The following RBMS3 variants were observed in gnomAD, a reference collection of about 807,000 sequenced individuals.
The protein encoded by RBMS3 is RNA-binding motif, single-stranded-interacting protein 3.
A neutral mutation model predicts 66.8 loss-of-function variants in RBMS3; 27 were observed. The observed-to-expected ratio is 0.40, with a 90% CI of 0.30 to 0.56. RBMS3 has a LOEUF of 0.56. Ranked by LOEUF, RBMS3 falls within the 20% of genes least tolerant of loss-of-function variation. The pLI, the probability that RBMS3 is intolerant of heterozygous loss-of-function variation, is 0.40. For synonymous variants in RBMS3, 188 were observed against 183.0 expected (o/e 1.03, Z -0.22); for missense variants, 513 against 549.5 (o/e 0.93, Z 0.66).
chr3:29,302,765 T>C (rs867147854), intron 1 of RBMS3, among the ~76,000 whole-genome samples: 1 of 152,066 alleles, frequency 6.6e-6, no homozygotes, highest in Non-Finnish European at 1.5e-5. Context: ...AGAGAAGTTC[T>C]GTGCTATGTG....
intron 6 of RBMS3, among the ~76,000 whole-genome samples, chr3:29,806,420 T>G (rs1187679124): frequency 6.6e-6 from 1 of 151,880 alleles, no homozygotes; most frequent in Non-Finnish European, 1.5e-5. Flanking sequence ...ACAAAACTGT[T>G]TTTGAAATGT....
intron 4 of RBMS3, among the ~76,000 whole-genome samples, chr3:29,728,411 G>A (rs180915052): frequency 6.6e-6 from 1 of 152,190 alleles, no homozygotes; most frequent in East Asian, 1.9e-4. Flanking sequence ...GCCAAATGAT[G>A]CCGGCAATCG....
chr3:29,724,297 G>A (rs2053765454), intron 4 of RBMS3, among the ~76,000 whole-genome samples: 1 of 152,088 alleles, frequency 6.6e-6, no homozygotes, highest in Non-Finnish European at 1.5e-5. Context: ...TATTTACTTA[G>A]TAGCTGTCCT....
At chr3:29,702,421 G>A (rs147485606) in intron 4 of RBMS3, among the ~76,000 whole-genome samples, 2 of 152,176 alleles carry the variant, frequency 1.3e-5, no homozygotes, top group Non-Finnish European at 2.9e-5. Context: ...CAATCAGCAG[G>A]ATGTGGGTGG....
At chr3:29,913,891 C>A (rs775289544) in intron 10 of RBMS3, among the ~76,000 whole-genome samples, 6 of 151,838 alleles carry the variant, frequency 4.0e-5, no homozygotes, top group Non-Finnish European at 7.4e-5. Context: ...TCTAAATACT[C>A]AGATTCTGAT....
At chr3:29,357,808 A>G (rs1344870341) in intron 1 of RBMS3, among the ~76,000 whole-genome samples, 1 of 152,168 alleles carries the variant, frequency 6.6e-6, no homozygotes, top group Non-Finnish European at 1.5e-5. Flanking sequence ...AGTGATGATG[A>G]GCATTTTTTC....
At chr3:29,320,386 G>A (rs947385563) in intron 1 of RBMS3, among the ~76,000 whole-genome samples, 1 of 151,850 alleles carries the variant, frequency 6.6e-6, no homozygotes, top group African/African-American at 2.4e-5. Flanking sequence ...TTCTCCAAAG[G>A]TGAATAAAGG....
chr3:29,542,032 T>A (rs1375359619), intron 3 of RBMS3, among the ~76,000 whole-genome samples: 1 of 152,170 alleles, frequency 6.6e-6, no homozygotes, highest in African/African-American at 2.4e-5. Context: ...AATATATGTT[T>A]AGCATATCCC....
chr3:29,507,527 G>A (rs2044229636), intron 3 of RBMS3, among the ~76,000 whole-genome samples: 1 of 151,974 alleles, frequency 6.6e-6, no homozygotes, highest in Admixed American at 6.6e-5. Flanking sequence ...TGTATGCTCT[G>A]CTAATAACTA....
At chr3:29,360,896 C>T in intron 1 of RBMS3, among the ~76,000 whole-genome samples, 1 of 151,746 alleles carries the variant, frequency 6.6e-6, no homozygotes, top group Non-Finnish European at 1.5e-5. Context: ...TTTCCATTTG[C>T]TTAGTGGATC....
intron 3 of RBMS3, among the ~76,000 whole-genome samples, chr3:29,542,875 C>A (rs149566302): frequency 8.1e-4 from 124 of 152,260 alleles, no homozygotes; most frequent in African/African-American, 2.9e-3. Context: ...TCTTAAGTAA[C>A]CTGTAAAATA....
intron 1 of RBMS3, among the ~76,000 whole-genome samples, chr3:29,359,914 G>A (rs111567405): frequency 0.076 from 11,526 of 151,950 alleles, 745 homozygotes; most frequent in African/African-American, 0.18. Context: ...ATTTTTTCTT[G>A]CATCTATTTG....
At chr3:29,623,292 T>G (rs796580980) in intron 4 of RBMS3, among the ~76,000 whole-genome samples, 2 of 151,468 alleles carry the variant, frequency 1.3e-5, no homozygotes, top group Non-Finnish European at 2.9e-5. Context: ...TGAGTAAACA[T>G]TATAAAAGTA....
At chr3:29,488,596 C>A in intron 3 of RBMS3, 97 bp downstream of exon 3, 2 of 1,087,094 alleles carry the variant, frequency 1.8e-6, no homozygotes, top group South Asian at 1.5e-5. Flanking sequence ...GCACAATGAT[C>A]ACAATGCATA....
chr3:29,791,640 G>A (rs1249655396), intron 6 of RBMS3, among the ~76,000 whole-genome samples: 15 of 152,060 alleles, frequency 9.9e-5, no homozygotes, highest in South Asian at 2.1e-4. Flanking sequence ...TGGTTGAACC[G>A]ATCATTAAGT....
chr3:29,747,654 A>G (rs576035607), intron 5 of RBMS3, among the ~76,000 whole-genome samples: 28 of 152,340 alleles, frequency 1.8e-4, no homozygotes, highest in Middle Eastern at 6.8e-3. Flanking sequence ...AAAATTAGGC[A>G]TGTGGATACA....
chr3:29,863,015 C>T (rs1218122066), intron 6 of RBMS3, among the ~76,000 whole-genome samples: 3 of 151,990 alleles, frequency 2.0e-5, no homozygotes, highest in Non-Finnish European at 2.9e-5. Flanking sequence ...AAGAACAAGA[C>T]GATTATGTGA....
At chr3:29,609,018 A>G (rs979776220) in intron 4 of RBMS3, among the ~76,000 whole-genome samples, 22 of 152,020 alleles carry the variant, frequency 1.4e-4, no homozygotes, top group Admixed American at 8.5e-4. Context: ...ACTTCTCACT[A>G]TCTGAATGTT....
chr3:29,362,121 G>C (rs376983252), intron 1 of RBMS3, among the ~76,000 whole-genome samples: 1 of 152,160 alleles, frequency 6.6e-6, no homozygotes, highest in East Asian at 1.9e-4. Flanking sequence ...GAGGAGAGGC[G>C]CTCTGATTTT....
Sources: gnomAD v4.1 joint callset for allele counts (sites outside exome capture counted in the v4.1 genomes callset) on GRCh38, gnomAD v4.1.1 for gene constraint, MANE v1.5 for transcripts, NCBI Gene and HGNC (gene_info 2026-07-23, HGNC 2026-07-21) for gene names.